JAG2: variants seen among roughly 807,000 people sequenced by gnomAD.
JAG2 encodes the protein protein jagged-2.
JAG2 carries 46 observed loss-of-function variants against 141.7 expected under a neutral mutation model. The observed-to-expected ratio is 0.32, with a 90% CI of 0.26 to 0.42. The LOEUF (loss-of-function observed/expected upper bound fraction) is 0.42. Among genes scored for constraint, JAG2 ranks in the 10% least tolerant of loss-of-function variants. The pLI is 1.00. For missense variants in JAG2, 1,500 were observed against 1,817.5 expected, an observed-to-expected ratio of 0.83 and a Z score of 3.18; for synonymous variants, 862 against 763.5, an observed-to-expected ratio of 1.13 and a Z score of -2.13.
At chr14:105,151,158 CAGCACGGGCACCT>C in intron 9 of JAG2, 54 bp from the exon 10 acceptor site, 1 of 1,542,878 alleles carries the variant, frequency 6.5e-7, no homozygotes, top group South Asian at 1.2e-5. Flanking sequence ...CTGCCCCCTG[CAGCACGGGCACCT>C]GGCACCCGCA....
In JAG2 at chr14:105,156,004, A is replaced by G. The variant is rs982626339; in HGVS notation, c.476-15T>C. 1 of 1,600,276 alleles carries G rather than the reference A, an allele frequency of 6.2e-7. No homozygotes were observed. Among genetic ancestry groups the G allele is most frequent in the South Asian group, 1.1e-5 (1 of 91,006 alleles). On this transcript the variant is annotated splice_polypyrimidine_tract_variant and intron_variant, in intron 3 of 25. Coordinates refer to ENST00000331782, the MANE Select transcript of JAG2 (RefSeq NM_002226.5). Reference sequence around the variant, plus strand: ...CAGCAGCTCCTCTTGGGGAGGCGGCAGAGTCAGCACAGGCCAGAGAAACCA... The same window carrying G: ...CAGCAGCTCCTCTTGGGGAGGCGGCGGAGTCAGCACAGGCCAGAGAAACCA...
intron 5 of JAG2, among the ~76,000 whole-genome samples, chr14:105,155,329 C>T (rs1888547125): frequency 6.6e-6 from 1 of 152,158 alleles, no homozygotes; most frequent in Non-Finnish European, 1.5e-5. Context: ...GTCCAGCCAG[C>T]CTCCCCAGTC....
chr14:105,143,306 G>C, intron 25 of JAG2, 136 bp from the exon 26 acceptor site: 1 of 1,308,714 alleles, frequency 7.6e-7, no homozygotes, highest in Admixed American at 2.0e-5. Flanking sequence ...TCGTGGGGAG[G>C]GTCCCAGGAC....
Position 105,148,812 on chromosome 14 carries a change from G to A in JAG2, c.1953C>T (p.Cys651=), listed in dbSNP as rs764238911. 1.3e-6 allele frequency: 2 copies of A among 1,599,352 alleles called. No individual in the cohort carries two copies. The change falls in exon 15 of 26, where the codon TGC becomes TGT. Residue 651 remains cysteine (C), a synonymous_variant. Transcript: ENST00000331782. Reference sequence around the variant, plus strand: ...AGCGGAAGGCGTCCACCTCATCGATGCATGTGCCCCCATTGCGGCAGGGCT... The same window carrying A: ...AGCGGAAGGCGTCCACCTCATCGATACATGTGCCCCCATTGCGGCAGGGCT... ...LGQPCRNGGT[C]IDEVDAFRCF... is the part of the protein sequence containing the mutation.
rs587632522 is a variant in JAG2 at position 105,145,423 on chromosome 14, A to C, written c.2952+308T>G. On this transcript the variant is annotated intron_variant, in intron 23 of 25. Coordinates refer to ENST00000331782, the MANE Select transcript of JAG2 (RefSeq NM_002226.5). ...AAGGTGGCTCCTAGGCCAGGGCAAAACTGCCCACGGAGCTACAGCCCAAGA... is the reference window on the plus strand; with the variant it reads ...AAGGTGGCTCCTAGGCCAGGGCAAACCTGCCCACGGAGCTACAGCCCAAGA... 2.0e-5 allele frequency among the ~76,000 whole-genome samples: 3 copies of C among 152,280 alleles called. No individual in the cohort carries two copies. The South Asian group carries it at 6.2e-4, about 32-fold the overall frequency.
chr14:105,153,865 G>T (rs2140982921), intron 5 of JAG2, among the ~76,000 whole-genome samples: 1 of 152,354 alleles, frequency 6.6e-6, no homozygotes, highest in East Asian at 1.9e-4. Context: ...CTGCCATCCA[G>T]GTTGTGTGAT....
Position 105,155,768 on chromosome 14 carries a change from C to G in JAG2, c.697G>C (p.Asp233His), listed in dbSNP as rs1219572838. 1 of 1,612,858 alleles carries G rather than the reference C, an allele frequency of 6.2e-7. No homozygotes were observed. The highest frequency in any genetic ancestry group is 8.5e-7 in the Non-Finnish European group (1 of 1,179,930). ...TTGCACTCCTTGCCCATCCAGCCGT[C>G]CATGCAGGCCTTGTTGCCGTACTGG... The part of the protein sequence containing the change: ...CDQYGNKACM[D>H]GWMGKECKEA... Residue 233 changes from aspartate to histidine, a missense_variant, in exon 4 of 26, where the codon GAC becomes CAC. Asp to His is a moderately conservative substitution (Grantham distance 81). Coordinates refer to ENST00000331782, the MANE Select transcript of JAG2 (RefSeq NM_002226.5).
intron 12 of JAG2, 125 bp from the exon 13 acceptor site, chr14:105,149,445 AG>A: frequency 1.7e-6 from 2 of 1,192,110 alleles, no homozygotes; most frequent in East Asian, 2.4e-5. Flanking sequence ...TGGGCCTAAC[AG>A]TGCCAGCCAG....
Position 105,142,601 on chromosome 14 carries a change from A to G in JAG2, c.*94T>C, listed in dbSNP as rs1056492473. 2.2e-6 allele frequency: 2 copies of G among 895,248 alleles called. No individual in the cohort carries two copies. The highest frequency in any genetic ancestry group is 2.2e-4 in the Middle Eastern group (1 of 4,588). 55.5% of individuals were successfully genotyped at this position (895,248 alleles called of 1,614,324 possible). ...TTTTGGTGGTTTTTTTACACAAAAT[A>G]AAGAAACTATGCACATGGCCTCGGC... On this transcript the variant is annotated 3_prime_UTR_variant, in exon 26 of 26. Transcript: ENST00000331782.
Position 105,167,898 on chromosome 14 carries a change from G to T in JAG2, c.276C>A (p.His92Gln). 6.3e-7 allele frequency: 1 copy of T among 1,587,992 alleles called. No homozygotes were observed. Residue 92 changes from histidine to glutamine, a missense_variant, in exon 2 of 26, where the codon CAC becomes CAA. By Grantham distance (24) the His-to-Gln change is conservative. This residue lies in a region of JAG2 where 200 missense variants were observed against 174.3 expected (regional missense o/e 1.15). Coordinates refer to ENST00000331782, the MANE Select transcript of JAG2 (RefSeq NM_002226.5). This position sits in a 1 kb window ranked among gnomAD's most constrained non-coding sequence, Gnocchi z 4.8. Reference protein sequence around the residue: ...VTPTGPCSYGHGATPVLGGNS... With the variant: ...VTPTGPCSYGQGATPVLGGNS... ...TGCCGCCCAGCACGGGCGTGGCGCC[G>T]TGGCCGTAGCTGCAGGGCCCCGTGG...
chr14:105,143,740 G>A (rs1296866976), intron 24 of JAG2, 102 bp from the exon 25 acceptor site: 46 of 1,427,170 alleles, frequency 3.2e-5, no homozygotes, highest in Middle Eastern at 2.4e-4. Flanking sequence ...CAAGGTGGGC[G>A]CACGGGAGAC....
chr14:105,144,235 C>T (rs921645268), intron 24 of JAG2, among the ~76,000 whole-genome samples: 180 of 151,904 alleles, frequency 1.2e-3, no homozygotes, highest in Non-Finnish European at 8.5e-4. Context: ...CACAGCAACC[C>T]GGGGCTGTGC....
chr14:105,152,664 C>A (rs587733157), intron 5 of JAG2, among the ~76,000 whole-genome samples: 13 of 152,270 alleles, frequency 8.5e-5, no homozygotes, highest in African/African-American at 3.1e-4. Flanking sequence ...GCACCAGGGG[C>A]TGGGTAGGCC....
Position 105,148,758 on chromosome 14 carries a change from C to A in JAG2, c.2007G>T (p.Glu669Asp). 6.4e-7 allele frequency: 1 copy of A among 1,573,020 alleles called. No homozygotes were observed. The highest frequency in any genetic ancestry group is 1.3e-5 in the African/African-American group (1 of 74,280). ...RCFCPSGWEG[E>D]LCDTNPNDCL... ...TGGAACACTCACTGGTGTCGCAGAG[C>A]TCGCCCTCCCAGCCGCTGGGGCAGA... The change falls in exon 15 of 26, where the codon GAG becomes GAT. Residue 669 changes from glutamate (E) to aspartate (D), a missense_variant. Physicochemically the swap from Glu to Asp is conservative, Grantham distance 45. Transcript: ENST00000331782.
intron 2 of JAG2, 144 bp from the exon 3 acceptor site, chr14:105,157,907 C>T: frequency 2.6e-6 from 2 of 758,396 alleles, no homozygotes; most frequent in South Asian, 1.5e-5. Flanking sequence ...CCACCACCCT[C>T]CTCATCCTCA....
intron 20 of JAG2, 113 bp from the exon 21 acceptor site, chr14:105,146,837 T>C (rs1056196189): frequency 4.6e-6 from 4 of 866,964 alleles, no homozygotes; most frequent in Non-Finnish European, 7.5e-6. Context: ...CCCAGGACAA[T>C]GAGGAGCAGC....
Position 105,142,946 on chromosome 14 carries a change from G to A in JAG2, c.3466C>T (p.Pro1156Ser), listed in dbSNP as rs772503929. The change falls in exon 26 of 26, where the codon CCG becomes TCG. Residue 1156 changes from proline (P) to serine (S), a missense_variant. This residue lies in a region of JAG2 where 425 missense variants were observed against 441.0 expected (regional missense o/e 0.96). Coordinates refer to ENST00000331782, the MANE Select transcript of JAG2 (RefSeq NM_002226.5). ...DVLYQCKNFTPPPRRADEALP... is the reference protein window; with the variant it reads ...DVLYQCKNFTSPPRRADEALP... ...GCCTCGTCCGCCCTGCGCGGCGGCGGCGTGAAGTTCTTGCACTGGTAGAGC... is the reference window on the plus strand; with the variant it reads ...GCCTCGTCCGCCCTGCGCGGCGGCGACGTGAAGTTCTTGCACTGGTAGAGC... The A allele has an allele frequency of 6.2e-7, 1 of 1,609,298 alleles. No homozygotes were observed. Among genetic ancestry groups the A allele is most frequent in the East Asian group, 2.2e-5 (1 of 44,766 alleles).
rs928625097 is a variant in JAG2 at position 105,154,081 on chromosome 14, C to T, written c.788+1481G>A. Among the ~76,000 whole-genome samples, 1 of 152,128 alleles carries T rather than the reference C, an allele frequency of 6.6e-6. No individual in the cohort carries two copies. The highest frequency in any genetic ancestry group is 2.4e-5 in the African/African-American group (1 of 41,412). ...TCTGGGACTGGCCGGGAAAGCTCCT[C>T]ACTGTACCCTCCAGGCCACTCAACC... is the stretch of plus-strand genomic sequence containing the variant. On this transcript the variant is annotated intron_variant, in intron 5 of 25. Coordinates refer to ENST00000331782, the MANE Select transcript of JAG2 (RefSeq NM_002226.5). This position sits in a 1 kb window ranked among gnomAD's most constrained non-coding sequence, Gnocchi z 4.4.
rs1165633716 is a variant in JAG2 at position 105,167,522 on chromosome 14, G to GCCGCC, written c.417+230_417+234dup. ...CACACCGCCGCGCACGCGGGACGCC[G>GCCGCC]CCGCCCCGCCCCCGCCGCGACCCCG... On this transcript the variant is annotated intron_variant, in intron 2 of 25. Coordinates refer to ENST00000331782, the MANE Select transcript of JAG2 (RefSeq NM_002226.5). This position sits in a 1 kb window ranked among gnomAD's most constrained non-coding sequence, Gnocchi z 4.8. Among the ~76,000 whole-genome samples, 1 of 147,940 alleles carries GCCGCC rather than the reference G, an allele frequency of 6.8e-6. No homozygotes were observed. The highest frequency in any genetic ancestry group is 6.7e-5 in the Admixed American group (1 of 14,918).
Sources: allele counts gnomAD v4.1 joint callset (sites outside exome capture counted in the v4.1 genomes callset), GRCh38; gene constraint gnomAD v4.1.1; regional missense constraint gnomAD v4.1.1; non-coding constraint Gnocchi (gnomAD v3.1); transcripts MANE v1.5; gene names NCBI Gene and HGNC (gene_info 2026-07-23, HGNC 2026-07-21).